The following ABI3BP variants were observed in gnomAD, a reference collection of about 807,000 sequenced individuals.
ABI3BP encodes target of Nesh-SH3.
In ABI3BP, 216 loss-of-function variants were observed where a neutral mutation model predicts 268.6. The ratio of observed to expected loss-of-function variants is 0.80; its 90% confidence interval spans 0.72 to 0.90. ABI3BP has a LOEUF of 0.90. ABI3BP is among the 40% of genes least tolerant of loss of function. The probability of loss-of-function intolerance (pLI) is 0.00; values close to 1 mark genes in which losing one functional copy is unlikely to be tolerated. For missense variants in ABI3BP, 2,090 were observed against 2,182.4 expected, an observed-to-expected ratio of 0.96 and a Z score of 0.84; for synonymous variants, 730 against 730.0, an observed-to-expected ratio of 1.00 and a Z score of 0.00.
intron 3 of ABI3BP, among the ~76,000 whole-genome samples, chr3:100,901,375 A>C (rs1416100950): frequency 6.6e-6 from 1 of 152,194 alleles, no homozygotes; most frequent in Non-Finnish European, 1.5e-5. Context: ...AATATAGCAA[A>C]CAAACAAAAA....
At chr3:100,820,149 A>G in intron 40 of ABI3BP, 71 bp downstream of exon 40, 1 of 1,323,432 alleles carries the variant, frequency 7.6e-7, no homozygotes, top group South Asian at 1.3e-5. Context: ...CATCACTCCC[A>G]TCATTGGCAT....
chr3:100,805,210 CCTT>C (rs539222144), intron 50 of ABI3BP, among the ~76,000 whole-genome samples: 19 of 152,020 alleles, frequency 1.2e-4, no homozygotes, highest in Non-Finnish European at 2.4e-4. Flanking sequence ...CTTGACTTCT[CCTT>C]AAACCCATTT....
chr3:100,768,967 G>A (rs916928311), intron 62 of ABI3BP, among the ~76,000 whole-genome samples: 10 of 152,218 alleles, frequency 6.6e-5, no homozygotes, highest in African/African-American at 2.4e-4. Flanking sequence ...AGGTGAATAT[G>A]TGTCCCCATC....
intron 1 of ABI3BP, among the ~76,000 whole-genome samples, chr3:100,968,084 G>A (rs893563312): frequency 9.2e-5 from 14 of 152,210 alleles, no homozygotes; most frequent in Middle Eastern, 3.4e-3. Context: ...CGAGCCTGGG[G>A]AGTTCTAATA....
At chr3:100,804,096 C>G (rs1158468565) in intron 51 of ABI3BP, among the ~76,000 whole-genome samples, 1 of 152,084 alleles carries the variant, frequency 6.6e-6, no homozygotes, top group Non-Finnish European at 1.5e-5. Flanking sequence ...TAAAAATGAG[C>G]TTGGCTTTTT....
chr3:100,920,583 C>T (rs555866709), intron 2 of ABI3BP, among the ~76,000 whole-genome samples: 3 of 152,040 alleles, frequency 2.0e-5, no homozygotes, highest in South Asian at 2.1e-4. Flanking sequence ...CCCCCATGCC[C>T]GGCTAATTTT....
chr3:100,855,710 AC>A (rs1275541904), intron 14 of ABI3BP, among the ~76,000 whole-genome samples: 13 of 152,244 alleles, frequency 8.5e-5, no homozygotes, highest in African/African-American at 3.1e-4. Context: ...CCTCTACTAC[AC>A]AAATACCTGG....
intron 59 of ABI3BP, among the ~76,000 whole-genome samples, chr3:100,775,613 G>C (rs887058136): frequency 6.6e-6 from 1 of 152,072 alleles, no homozygotes; most frequent in Non-Finnish European, 1.5e-5. Context: ...AAAGATGGAG[G>C]GTTGTCGGTT....
rs1387530557 is a variant in ABI3BP at position 100,886,198 on chromosome 3, T to A, written c.587A>T (p.Asp196Val). Residue 196 changes from aspartate (D) to valine (V), a missense_variant, in exon 5 of 68, where the codon GAC (aspartate) becomes GTC (valine). By Grantham distance (152) the Asp-to-Val change is radical. Transcript: ENST00000471714. ...ACTCCAAATTCCACCTTCCACATTG[T>A]CTTTCACTCCAAATTCATAAACTGT... is the stretch of plus-strand genomic sequence containing the variant. Reference protein sequence around the residue: ...PNTVYEFGVKDNVEGGIWSKI... With the variant: ...PNTVYEFGVKVNVEGGIWSKI... 1.2e-6 allele frequency: 2 copies of A among 1,608,876 alleles called. No homozygotes were observed. The highest frequency in any genetic ancestry group is 3.4e-5 in the Admixed American group (2 of 59,378).
chr3:100,811,364 T>A, intron 47 of ABI3BP, 87 bp from the exon 48 acceptor site: 1 of 1,021,606 alleles, frequency 9.8e-7, no homozygotes, highest in East Asian at 2.6e-5. Flanking sequence ...TATTAATAAT[T>A]TGCATCATAA....
At chr3:100,882,058 G>A (rs776484589) in intron 6 of ABI3BP, among the ~76,000 whole-genome samples, 7 of 152,244 alleles carry the variant, frequency 4.6e-5, no homozygotes, top group Non-Finnish European at 7.4e-5. Context: ...TACAGTTCAA[G>A]TTGTTTTTTT....
chr3:100,856,929 C>T (rs952391422), intron 14 of ABI3BP, among the ~76,000 whole-genome samples: 1 of 152,110 alleles, frequency 6.6e-6, no homozygotes, highest in African/African-American at 2.4e-5. Flanking sequence ...CCAAGAAGGA[C>T]CTCAGAGCCC....
chr3:100,778,319 G>A lies in ABI3BP; in HGVS notation c.4298C>T (p.Pro1433Leu). The change falls in exon 59 of 68, where the codon CCA becomes CTA. Residue 1433 changes from proline (P) to leucine (L), a missense_variant. Transcript: ENST00000471714. ...RPTHPRRKPLPPNNVTGKPGS... is the reference protein window; with the variant it reads ...RPTHPRRKPLLPNNVTGKPGS... ...TGGCTTTCCAGTGACATTATTTGGT[G>A]GTAAAGGTTTTCTTCGTGGGTGTGT... The A allele has an allele frequency of 6.2e-7, 1 of 1,613,856 alleles. No homozygotes were observed. The highest frequency in any genetic ancestry group is 1.1e-5 in the South Asian group (1 of 91,068).
intron 20 of ABI3BP, among the ~76,000 whole-genome samples, chr3:100,843,413 TGTGTGTGTGA>T (rs2098729818): frequency 6.6e-6 from 1 of 150,604 alleles, no homozygotes; most frequent in African/African-American, 2.4e-5. Flanking sequence ...TGTGTGTGTG[TGTGTGTGTGA>T]GTGAGTCTGT....
chr3:100,895,553 T>A (rs2713794), intron 4 of ABI3BP, among the ~76,000 whole-genome samples: 62,020 of 151,938 alleles, frequency 0.41, 13,473 homozygotes, highest in Non-Finnish European at 0.49. Flanking sequence ...ATCATTTTTT[T>A]AAAAAATCAG....
chr3:100,845,278 G>A (rs899222029), intron 20 of ABI3BP, among the ~76,000 whole-genome samples: 1 of 152,080 alleles, frequency 6.6e-6, no homozygotes, highest in African/African-American at 2.4e-5. Context: ...AGTTTTATTA[G>A]CTACGCTTCT....
chr3:100,956,541 G>A (rs1228521403), intron 1 of ABI3BP, among the ~76,000 whole-genome samples: 1 of 152,206 alleles, frequency 6.6e-6, no homozygotes, highest in African/African-American at 2.4e-5. Context: ...ACAAAGAACA[G>A]AGGCCCTGGT....
chr3:100,843,191 A>T (rs1306598558), intron 20 of ABI3BP, among the ~76,000 whole-genome samples: 1 of 152,244 alleles, frequency 6.6e-6, no homozygotes, highest in East Asian at 1.9e-4. Flanking sequence ...TAAAGGCATT[A>T]TCATCCATTA....
chr3:100,767,680 C>T (rs1577006946), intron 62 of ABI3BP, among the ~76,000 whole-genome samples: 1 of 151,816 alleles, frequency 6.6e-6, no homozygotes, highest in Middle Eastern at 3.5e-3. Context: ...CTCAGTCCTC[C>T]CATCCGTGGA....
Sources: gnomAD v4.1 joint callset for allele counts (sites outside exome capture counted in the v4.1 genomes callset) on GRCh38, gnomAD v4.1.1 for gene constraint, MANE v1.5 for transcripts, NCBI Gene and HGNC (gene_info 2026-07-23, HGNC 2026-07-21) for gene names.